Variants in AKNA observed in about 807,000 individuals in gnomAD.
AKNA encodes microtubule organization protein AKNA.
Under a neutral mutation model 138.8 loss-of-function variants are expected in AKNA, and 67 were observed. The ratio of observed to expected loss-of-function variants is 0.48; its 90% CI spans 0.40 to 0.59. The LOEUF (loss-of-function observed/expected upper bound fraction) is 0.59. Ranked by LOEUF, AKNA falls within the 20% of genes least tolerant of loss-of-function variation. The probability of loss-of-function intolerance (pLI) is 0.00; values close to 1 mark genes in which losing one functional copy is unlikely to be tolerated. For synonymous variants in AKNA, 737 were observed against 754.4 expected (o/e 0.98, Z 0.38); for missense variants, 1,813 against 1,880.4 (o/e 0.96, Z 0.66).
intron 14 of AKNA, 107 bp downstream of exon 14, chr9:114,355,818 A>T: frequency 8.4e-7 from 1 of 1,186,352 alleles, no homozygotes; most frequent in Non-Finnish European, 1.2e-6. Flanking sequence ...TTCAAATTTC[A>T]GTACAATGAA....
At chr9:114,388,689 C>T (rs1834212222), upstream of AKNA, among the ~76,000 whole-genome samples, 3 of 152,206 alleles carry the variant, frequency 2.0e-5, no homozygotes, top group South Asian at 2.1e-4. Flanking sequence ...TCAAGCCCCA[C>T]CATCCCATTC....
chr9:114,387,168 T>C lies in AKNA; in HGVS notation c.-114+692A>G, dbSNP rs151144487. Among the ~76,000 whole-genome samples the C allele has an allele frequency of 2.1e-3, 324 of 151,816 alleles. 9 individuals carry two copies. In the South Asian group the frequency reaches 0.032, roughly 15 times the overall value. Reference sequence around the variant, plus strand: ...CAGTAACCAGACCTTCCAAAAAGGCTCAACCATACCCCCACCCACCTGCTG... The same window carrying C: ...CAGTAACCAGACCTTCCAAAAAGGCCCAACCATACCCCCACCCACCTGCTG... On this transcript the variant is annotated intron_variant, in intron 1 of 21. Transcript: ENST00000374088.
intron 1 of AKNA, among the ~76,000 whole-genome samples, chr9:114,385,239 G>A (rs183672836): frequency 1.3e-5 from 2 of 152,228 alleles, no homozygotes; most frequent in African/African-American, 4.8e-5. Context: ...TCCCTGCCAG[G>A]GATCTTAAGC....
At chr9:114,375,930 G>A (rs922763465) in intron 3 of AKNA, 37 of 453,800 alleles carry the variant, frequency 8.2e-5, no homozygotes, top group African/African-American at 6.4e-4. Flanking sequence ...GGGAGTTCCT[G>A]GCCCAAACCC....
At chr9:114,362,649 G>C in intron 7 of AKNA, 116 bp from the exon 8 acceptor site, 3 of 1,342,674 alleles carry the variant, frequency 2.2e-6, no homozygotes, top group Non-Finnish European at 2.9e-6. Context: ...TGGGCCCCTG[G>C]GTTCATGCAA....
chr9:114,363,513 T>C (rs1339121750), intron 7 of AKNA, among the ~76,000 whole-genome samples: 1 of 152,262 alleles, frequency 6.6e-6, no homozygotes, highest in Non-Finnish European at 1.5e-5. Context: ...TATTACATGA[T>C]ACATATGACA....
rs1833631476 is a variant in AKNA, at chr9:114,381,098, C to T, written c.236G>A (p.Gly79Glu). The T allele has an allele frequency of 6.3e-7, 1 of 1,597,992 alleles. No homozygotes were observed. Residue 79 changes from glycine (G) to glutamate (E), a missense_variant, in exon 2 of 22, where the codon GGG (glycine) becomes GAG (glutamate). Transcript: ENST00000374088. ...LEWDPHPQPD[G>E]HQDSESGETS... is the part of the protein sequence containing the mutation. ...CTCTCCTGACTCGGAATCCTGATGCCCATCGGGCTGCGGGTGTGGGTCCCA... is the reference window on the plus strand; with the variant it reads ...CTCTCCTGACTCGGAATCCTGATGCTCATCGGGCTGCGGGTGTGGGTCCCA...
chr9:114,378,793 C>T (rs1051983331), intron 2 of AKNA, among the ~76,000 whole-genome samples: 2 of 152,208 alleles, frequency 1.3e-5, no homozygotes, highest in African/African-American at 2.4e-5. Context: ...TAACCACCAT[C>T]CATGCAGTCA....
upstream of AKNA, chr9:114,398,353 C>G (rs1834603183): frequency 6.6e-6 from 1 of 152,136 alleles, no homozygotes; most frequent in African/African-American, 2.4e-5. This position sits in a 1 kb window ranked among gnomAD's most constrained non-coding sequence, Gnocchi z 4.2. Flanking sequence ...TCCACTCTCC[C>G]TCCCCATTCT....
downstream of AKNA, chr9:114,331,499 C>A (rs1010546722): frequency 2.3e-5 from 30 of 1,332,044 alleles, no homozygotes; most frequent in African/African-American, 3.8e-4. Flanking sequence ...CCTAGGACTC[C>A]TCACCTGTAA....
At chr9:114,347,268 G>A (rs1588952372) in intron 16 of AKNA, among the ~76,000 whole-genome samples, 1 of 152,192 alleles carries the variant, frequency 6.6e-6, no homozygotes, top group Non-Finnish European at 1.5e-5. Flanking sequence ...TGCCCAGGCT[G>A]GAGTGCAGTG....
intron 15 of AKNA, among the ~76,000 whole-genome samples, chr9:114,348,117 CAG>C (rs1830827909): frequency 6.6e-6 from 1 of 152,190 alleles, no homozygotes; most frequent in Non-Finnish European, 1.5e-5. Context: ...GTGAACAAAA[CAG>C]AACTTTTCTT....
At position 114,346,781 on chromosome 9, in the gene AKNA, T is replaced by C; in HGVS notation, c.3402A>G (p.Lys1134=). The C allele has an allele frequency of 1.9e-6, 3 of 1,611,094 alleles. No homozygotes were observed. In the South Asian group the frequency reaches 3.3e-5, roughly 18 times the overall value. The change falls in exon 17 of 22, where the codon AAA becomes AAG. Residue 1134 remains lysine, a synonymous_variant. Transcript: ENST00000374088. ...PATWGSHYGS[K]STERLPGEPR... is the part of the protein sequence containing the mutation. ...GCTCACCAGGCAATCTCTCTGTGGA[T>C]TTACTAGCAAAAGGAAAGAGAGATG...
At chr9:114,333,913 G>C (rs1829906162), downstream of AKNA, among the ~76,000 whole-genome samples, 1 of 149,280 alleles carries the variant, frequency 6.7e-6, no homozygotes, top group Admixed American at 6.6e-5. Flanking sequence ...CTGCTGGGAG[G>C]TGATTGTATC....
Position 114,359,941 on chromosome 9 carries a change from T to G in AKNA, c.2246A>C (p.His749Pro), listed in dbSNP as rs1241715659. Residue 749 changes from histidine to proline, a missense_variant, in exon 10 of 22, where the codon CAC becomes CCC. His to Pro is a moderately conservative substitution (Grantham distance 77). Transcript: ENST00000374088. ...RPQDPLARLR[H>P]KELQMEQVYH... ...AACTTGCTCCATCTGCAGCTCCTTGTGCCTGAGTCGGGCCAGGGGGTCCTG... is the reference window on the plus strand; with the variant it reads ...AACTTGCTCCATCTGCAGCTCCTTGGGCCTGAGTCGGGCCAGGGGGTCCTG... 5 of 1,614,096 alleles carry G rather than the reference T, an allele frequency of 3.1e-6. No individual in the cohort carries two copies. The South Asian group carries it at 4.4e-5, about 14-fold the overall frequency.
chr9:114,351,148 C>T, intron 14 of AKNA, 127 bp from the exon 15 acceptor site: 1 of 960,338 alleles, frequency 1.0e-6, no homozygotes, highest in South Asian at 1.6e-5. Context: ...AAAGGAAGTT[C>T]CTGATGAGGC....
intron 1 of AKNA, among the ~76,000 whole-genome samples, chr9:114,387,184 C>G (rs185988610): frequency 6.6e-6 from 1 of 152,174 alleles, no homozygotes; most frequent in Non-Finnish European, 1.5e-5. Context: ...ATACCCCCAC[C>G]CACCTGCTGG....
rs922242965 is a variant in AKNA at position 114,387,904 on chromosome 9, A to C, written c.-158T>G. The C allele has an allele frequency of 2.2e-6, 1 of 454,276 alleles. No individual in the cohort carries two copies. Among genetic ancestry groups the C allele is most frequent in the African/African-American group, 2.0e-5 (1 of 49,964 alleles). The allele number at this position is 454,276 out of a possible 1,614,324, so 28.1% of individuals were successfully genotyped here. ...CGTCCTGCCGACCCAGTTTCAGGGGACCTGCCTGTGAATTCTTTGTTCCAA... is the reference window on the plus strand; with the variant it reads ...CGTCCTGCCGACCCAGTTTCAGGGGCCCTGCCTGTGAATTCTTTGTTCCAA... On this transcript the variant is annotated 5_prime_UTR_variant, in exon 1 of 22. Transcript: ENST00000374088.
intron 15 of AKNA, among the ~76,000 whole-genome samples, chr9:114,349,876 C>T (rs1588957988): frequency 6.6e-6 from 1 of 152,220 alleles, no homozygotes; most frequent in African/African-American, 2.4e-5. Flanking sequence ...ACTGAAGATA[C>T]TCTTCTATCT....
Sources: allele counts gnomAD v4.1 joint callset (sites outside exome capture counted in the v4.1 genomes callset), GRCh38; gene constraint gnomAD v4.1.1; non-coding constraint Gnocchi (gnomAD v3.1); transcripts MANE v1.5; gene names NCBI Gene and HGNC (gene_info 2026-07-23, HGNC 2026-07-21).